KLRF1: variants seen among roughly 807,000 people sequenced by gnomAD.
KLRF1 encodes killer cell lectin like receptor F1.
A neutral mutation model predicts 30.7 loss-of-function variants in KLRF1; 27 were observed. That is an observed-to-expected ratio of 0.88 (90% CI 0.65 to 1.21). KLRF1 has a LOEUF of 1.21. Among genes scored for constraint, KLRF1 ranks in the 50% most tolerant of loss-of-function variants. The pLI is 0.00. For missense variants in KLRF1, 246 were observed against 259.3 expected (o/e 0.95, Z 0.35); for synonymous variants, 92 against 89.3 (o/e 1.03, Z -0.17).
the KLRF1 span, among the ~76,000 whole-genome samples, chr12:9,814,033 C>T: frequency 3.3e-5 from 5 of 152,170 alleles, no homozygotes; most frequent in Non-Finnish European, 2.9e-5. Flanking sequence ...TGGAGCCCCG[C>T]AGACATCCTT....
chr12:9,810,025 A>G, the KLRF1 span, among the ~76,000 whole-genome samples: 2 of 152,174 alleles, frequency 1.3e-5, no homozygotes, highest in Non-Finnish European at 2.9e-5. Flanking sequence ...CCTAAATTTC[A>G]TCATTAAATC....
At position 9,844,683 on chromosome 12, in the gene KLRF1, G is replaced by A; in HGVS notation, c.*157G>A. Reference sequence around the variant, plus strand: ...TCATCGACACTGGTCTAGCCTCAGAGTAACCCCTGTTAACAAACTAAAATG... The same window carrying A: ...TCATCGACACTGGTCTAGCCTCAGAATAACCCCTGTTAACAAACTAAAATG... On this transcript the variant is annotated 3_prime_UTR_variant, in exon 6 of 6. Transcript: ENST00000617889. 1 of 512,470 alleles carries A rather than the reference G, an allele frequency of 2.0e-6. No homozygotes were observed. The highest frequency in any genetic ancestry group is 3.5e-6 in the Non-Finnish European group (1 of 284,240). The allele number at this position is 512,470 out of a possible 1,614,324, so 31.7% of individuals were successfully genotyped here. A position where few individuals can be genotyped will look rare whatever the true frequency, so the allele number is the denominator to read the frequency against.
the KLRF1 span, among the ~76,000 whole-genome samples, chr12:9,809,589 A>G: frequency 6.6e-6 from 1 of 152,156 alleles, no homozygotes; most frequent in African/African-American, 2.4e-5. Context: ...TATTGATGTT[A>G]CGCTTAGTTT....
At chr12:9,832,511 T>A (rs1867455621) in intron 2 of KLRF1, 97 bp downstream of exon 2, 2 of 707,148 alleles carry the variant, frequency 2.8e-6, no homozygotes, top group Admixed American at 2.6e-5. Flanking sequence ...TTCACTACAT[T>A]AACCAAGATT....
At chr12:9,830,281 A>G (rs1176980891) in intron 1 of KLRF1, among the ~76,000 whole-genome samples, 1 of 151,962 alleles carries the variant, frequency 6.6e-6, no homozygotes, top group Non-Finnish European at 1.5e-5. Flanking sequence ...TGCAGCTACT[A>G]TTTTTTGTTT....
chr12:9,804,931 G>A, the KLRF1 span, among the ~76,000 whole-genome samples: 1 of 151,648 alleles, frequency 6.6e-6, no homozygotes, highest in Non-Finnish European at 1.5e-5. Flanking sequence ...ATATATTTTT[G>A]GATGTTCAAC....
chr12:9,817,155 A>C, the KLRF1 span, among the ~76,000 whole-genome samples: 4 of 152,236 alleles, frequency 2.6e-5, no homozygotes, highest in Admixed American at 2.0e-4. Flanking sequence ...TTAGCAATAG[A>C]GCCCCTTGTT....
chr12:9,832,819 T>G (rs1263359963), intron 2 of KLRF1, among the ~76,000 whole-genome samples: 1 of 152,146 alleles, frequency 6.6e-6, no homozygotes, highest in Non-Finnish European at 1.5e-5. Flanking sequence ...TTGCTTTTCC[T>G]TTTGTCCAGC....
At chr12:9,842,885 G>A (rs749882890) in intron 5 of KLRF1, among the ~76,000 whole-genome samples, 58 of 152,020 alleles carry the variant, frequency 3.8e-4, no homozygotes, top group African/African-American at 1.1e-3. Flanking sequence ...ATTTTTGTGC[G>A]CATTATTTTA....
At chr12:9,810,609 G>T in the KLRF1 span, among the ~76,000 whole-genome samples, 1 of 152,144 alleles carries the variant, frequency 6.6e-6, no homozygotes. Context: ...GGTCATTCCT[G>T]CTGTTTACTT....
At chr12:9,830,236 A>G (rs1867382314) in intron 1 of KLRF1, among the ~76,000 whole-genome samples, 1 of 152,134 alleles carries the variant, frequency 6.6e-6, no homozygotes, top group Non-Finnish European at 1.5e-5. Context: ...ACTGGATTAT[A>G]CAGGGCACTG....
At chr12:9,842,510 T>C in intron 5 of KLRF1, 77 bp downstream of exon 5, 1 of 1,314,318 alleles carries the variant, frequency 7.6e-7, no homozygotes, top group Non-Finnish European at 1.1e-6. Flanking sequence ...CAAATTCAAC[T>C]CTGAAATAGT....
At chr12:9,820,473 T>G in the KLRF1 span, among the ~76,000 whole-genome samples, 1 of 152,188 alleles carries the variant, frequency 6.6e-6, no homozygotes, top group South Asian at 2.1e-4. Context: ...GAGTTCCCAG[T>G]GGGAGGGGAA....
intron 5 of KLRF1, among the ~76,000 whole-genome samples, 160 bp downstream of exon 5, chr12:9,842,593 T>C (rs894400058): frequency 3.3e-5 from 5 of 152,178 alleles, no homozygotes; most frequent in Middle Eastern, 3.2e-3. Context: ...ATAGTTTGAT[T>C]TGACTTTTAA....
chr12:9,832,551 A>G (rs1341328130), intron 2 of KLRF1, 137 bp downstream of exon 2: 7 of 604,342 alleles, frequency 1.2e-5, no homozygotes, highest in East Asian at 2.8e-5. Flanking sequence ...GTAAAGCTCT[A>G]TTAGTACACT....
At chr12:9,821,694 T>TG in the KLRF1 span, among the ~76,000 whole-genome samples, 2 of 152,106 alleles carry the variant, frequency 1.3e-5, no homozygotes, top group Non-Finnish European at 2.9e-5. Context: ...CCCAGAGCTG[T>TG]GGGGGAAAGC....
chr12:9,817,587 GC>G, the KLRF1 span: 1 of 302,984 alleles, frequency 3.3e-6, no homozygotes, highest in South Asian at 3.5e-5. Flanking sequence ...TTCAACTTTG[GC>G]CACACCGGGT....
chr12:9,821,341 G>A, the KLRF1 span, among the ~76,000 whole-genome samples: 1 of 152,020 alleles, frequency 6.6e-6, no homozygotes, highest in Non-Finnish European at 1.5e-5. Flanking sequence ...TGCCTCTGCA[G>A]CGGTACTACT....
intron 1 of KLRF1, among the ~76,000 whole-genome samples, chr12:9,830,173 G>T (rs1191867792): frequency 2.6e-5 from 4 of 151,616 alleles, no homozygotes; most frequent in African/African-American, 7.3e-5. Context: ...TGTTTTTTTT[G>T]GTTAACTATC....
Sources: gnomAD v4.1 joint callset for allele counts (sites outside exome capture counted in the v4.1 genomes callset) on GRCh38, gnomAD v4.1.1 for gene constraint, MANE v1.5 for transcripts, NCBI Gene and HGNC (gene_info 2026-07-23, HGNC 2026-07-21) for gene names.